IQUB: variants seen among roughly 807,000 people sequenced by gnomAD.
IQUB encodes the protein IQ motif and ubiquitin domain containing.
A neutral mutation model predicts 86.4 loss-of-function variants in IQUB; 86 were observed. The observed-to-expected ratio is 1.00, with a 90% CI of 0.84 to 1.19. The LOEUF is 1.19. IQUB is among the 50% of genes most tolerant of loss of function. The pLI, the probability that IQUB is intolerant of heterozygous loss-of-function variation, is 0.00. For missense variants in IQUB, 946 were observed against 916.9 expected (o/e 1.03, Z -0.41); for synonymous variants, 289 against 304.5 (o/e 0.95, Z 0.53).
chr7:123,488,169 T>C (rs1795291357), intron 7 of IQUB, among the ~76,000 whole-genome samples: 1 of 151,464 alleles, frequency 6.6e-6, no homozygotes, highest in Non-Finnish European at 1.5e-5. Flanking sequence ...CCGTCTCTAC[T>C]AAAAATACAA....
chr7:123,510,849 T>C (rs1281478436), intron 2 of IQUB, among the ~76,000 whole-genome samples: 1 of 152,152 alleles, frequency 6.6e-6, no homozygotes, highest in Admixed American at 6.6e-5. Flanking sequence ...TATAAGAAGG[T>C]TATTTTAATT....
intron 6 of IQUB, among the ~76,000 whole-genome samples, chr7:123,500,018 C>T (rs1449937739): frequency 2.0e-5 from 3 of 152,184 alleles, no homozygotes; most frequent in Admixed American, 6.5e-5. Flanking sequence ...AGCGCCAAGA[C>T]AGTTTACAAA....
intron 10 of IQUB, among the ~76,000 whole-genome samples, chr7:123,462,110 A>C (rs1337336943): frequency 2.0e-5 from 3 of 151,830 alleles, no homozygotes; most frequent in East Asian, 1.9e-4. Context: ...GACAGAAAGT[A>C]ATTCTACCAT....
At chr7:123,458,732 G>C (rs1793837320) in intron 11 of IQUB, among the ~76,000 whole-genome samples, 1 of 151,908 alleles carries the variant, frequency 6.6e-6, no homozygotes, top group Non-Finnish European at 1.5e-5. Flanking sequence ...CATAAGTGTG[G>C]TTGACAGTCT....
In IQUB at chr7:123,509,903, G is replaced by A; in HGVS notation, c.530C>T (p.Ser177Leu). ...GTTTTATTAGCCTCCAAACTTACCT[G>A]AGTATCTTATCTGCAGTACAGAATG... ...IPHSVLQIRY[S>L]GKILKNNETL... The change falls in exon 3 of 13, where the codon TCA (serine) becomes TTA (leucine). Residue 177 changes from serine (S) to leucine (L), a missense_variant and splice_region_variant. Ser to Leu is a moderately radical substitution (Grantham distance 145). Coordinates refer to ENST00000324698, the MANE Select transcript of IQUB (RefSeq NM_178827.5). 1.3e-6 allele frequency: 2 copies of A among 1,599,818 alleles called. No homozygotes were observed. Among genetic ancestry groups the A allele is most frequent in the African/African-American group, 1.3e-5 (1 of 74,262 alleles).
chr7:123,515,834 G>C (rs1360567651), intron 1 of IQUB, among the ~76,000 whole-genome samples: 1 of 152,162 alleles, frequency 6.6e-6, no homozygotes, highest in Non-Finnish European at 1.5e-5. Flanking sequence ...CAGTGAAGAA[G>C]CCAGCTTTAC....
In IQUB at chr7:123,452,625, A is replaced by G. The variant is rs372652014; in HGVS notation, c.*118T>C. On this transcript the variant is annotated 3_prime_UTR_variant, in exon 13 of 13. Coordinates refer to ENST00000324698, the MANE Select transcript of IQUB (RefSeq NM_178827.5). ...CTTTATATAACTCAAAATACTATGAAAAACAAAAAACAAAATCAATAAACA... is the reference window on the plus strand; with the variant it reads ...CTTTATATAACTCAAAATACTATGAGAAACAAAAAACAAAATCAATAAACA... The G allele has an allele frequency of 2.5e-5, 15 of 595,116 alleles. No homozygotes were observed. The highest frequency in any genetic ancestry group is 1.6e-4 in the East Asian group (5 of 31,886). The allele number at this position is 595,116 out of a possible 1,614,324, so 36.9% of individuals were successfully genotyped here.
chr7:123,525,003 T>A (rs1190097875), intron 1 of IQUB, among the ~76,000 whole-genome samples: 2 of 152,230 alleles, frequency 1.3e-5, no homozygotes, highest in African/African-American at 4.8e-5. Flanking sequence ...TGGATTACAT[T>A]TATTGATTTG....
At chr7:123,515,677 G>T (rs1796606539) in intron 1 of IQUB, among the ~76,000 whole-genome samples, 1 of 152,088 alleles carries the variant, frequency 6.6e-6, no homozygotes, top group African/African-American at 2.4e-5. Flanking sequence ...TATAAAAATG[G>T]AATTTCAAAT....
intron 9 of IQUB, among the ~76,000 whole-genome samples, chr7:123,468,536 T>C (rs1794365338): frequency 1.1e-5 from 1 of 88,378 alleles, no homozygotes; most frequent in African/African-American, 4.6e-5. Flanking sequence ...GGGCAGCCCA[T>C]CCAATACGTG....
intron 1 of IQUB, chr7:123,532,854 C>G (rs1400474087): frequency 1.3e-5 from 2 of 152,328 alleles, no homozygotes; most frequent in Non-Finnish European, 2.9e-5. Flanking sequence ...GGTCGGAAGC[C>G]GTGCCATGTA....
intron 6 of IQUB, among the ~76,000 whole-genome samples, chr7:123,499,308 C>T (rs1795841176): frequency 6.6e-6 from 1 of 152,110 alleles, no homozygotes; most frequent in Non-Finnish European, 1.5e-5. Context: ...CAGGGTTTCA[C>T]CAAGTTGCCG....
At chr7:123,466,045 T>C (rs911856361) in intron 9 of IQUB, among the ~76,000 whole-genome samples, 1 of 152,228 alleles carries the variant, frequency 6.6e-6, no homozygotes, top group Admixed American at 6.5e-5. Context: ...TAAGGCACTA[T>C]ATTAAGTTTT....
At chr7:123,478,816 G>A (rs1037655979) in intron 8 of IQUB, among the ~76,000 whole-genome samples, 4 of 152,028 alleles carry the variant, frequency 2.6e-5, no homozygotes, top group Non-Finnish European at 5.9e-5. Context: ...ACAGGTGAGG[G>A]GGCAAGGGAT....
chr7:123,488,369 AGCT>A (rs1408923761), intron 7 of IQUB, among the ~76,000 whole-genome samples: 1 of 151,556 alleles, frequency 6.6e-6, no homozygotes, highest in Non-Finnish European at 1.5e-5. Context: ...AAAAAAGAAA[AGCT>A]GAGCTCACAA....
rs1358490280 is a variant in IQUB, at chr7:123,522,864, C to T, written c.-4-10520G>A. On this transcript the variant is annotated intron_variant, in intron 1 of 12. Transcript: ENST00000324698. Reference sequence around the variant, plus strand: ...GCTATCCCTCCCCCCTCCCCCCACCCCACAACAGTCCCCAGAGTGTGATGT... The same window carrying T: ...GCTATCCCTCCCCCCTCCCCCCACCTCACAACAGTCCCCAGAGTGTGATGT... Among the ~76,000 whole-genome samples the T allele has an allele frequency of 2.4e-5, 3 of 124,388 alleles. No individual in the cohort carries two copies. In the East Asian group the frequency reaches 8.9e-4, roughly 37 times the overall value. The allele number at this position is 124,388 out of a possible 152,430, so 81.6% of individuals were successfully genotyped here.
chr7:123,526,070 TTTGTTA>T (rs1797191648), intron 1 of IQUB, among the ~76,000 whole-genome samples: 1 of 148,632 alleles, frequency 6.7e-6, no homozygotes, highest in Non-Finnish European at 1.5e-5. Context: ...TGAGAGATAG[TTTGTTA>T]TAATTTCTGT....
At chr7:123,461,260 T>C in intron 11 of IQUB, 97 bp downstream of exon 11, 2 of 1,258,928 alleles carry the variant, frequency 1.6e-6, no homozygotes, top group Non-Finnish European at 2.2e-6. Flanking sequence ...TAGAGAGTCA[T>C]TAAACAATCA....
intron 8 of IQUB, among the ~76,000 whole-genome samples, chr7:123,477,941 A>C (rs889436913): frequency 6.6e-6 from 1 of 152,292 alleles, no homozygotes; most frequent in Middle Eastern, 3.4e-3. Context: ...TCAGGAAACA[A>C]CAGATGCTGG....
Sources: gnomAD v4.1 joint callset for allele counts (sites outside exome capture counted in the v4.1 genomes callset) on GRCh38, gnomAD v4.1.1 for gene constraint, MANE v1.5 for transcripts, NCBI Gene and HGNC (gene_info 2026-07-23, HGNC 2026-07-21) for gene names.